AARS1: variants seen among roughly 807,000 people sequenced by gnomAD.
AARS1 encodes alanyl-tRNA synthetase 1.
Under a neutral mutation model 108.9 loss-of-function variants are expected in AARS1, and 72 were observed. That is an observed-to-expected ratio of 0.66 (90% CI 0.55 to 0.80). The LOEUF (loss-of-function observed/expected upper bound fraction) is 0.80. Ranked by LOEUF, AARS1 falls within the 30% of genes least tolerant of loss-of-function variation. AARS1 has a pLI of 0.00. For missense variants in AARS1, 1,193 were observed against 1,233.2 expected, an observed-to-expected ratio of 0.97 and a Z score of 0.49; for synonymous variants, 489 against 465.7, an observed-to-expected ratio of 1.05 and a Z score of -0.64.
Position 70,252,743 on chromosome 16 carries a change from C to A in AARS1, c.2885G>T (p.Arg962Leu), listed in dbSNP as rs1959871908. 1 of 1,614,030 alleles carries A rather than the reference C, an allele frequency of 6.2e-7. No homozygotes were observed. Among genetic ancestry groups the A allele is most frequent in the African/African-American group, 1.3e-5 (1 of 74,922 alleles). Residue 962 changes from arginine (R) to leucine (L), a missense_variant, in exon 21 of 21, where the codon CGC (arginine) becomes CTC (leucine). By Grantham distance (102) the Arg-to-Leu change is moderately radical (BLOSUM62 -2). Coordinates refer to ENST00000261772, the MANE Select transcript of AARS1 (RefSeq NM_001605.3). Reference protein sequence around the residue: ...LQLATSFAQLRLGDVKN With the variant: ...LQLATSFAQLLLGDVKN ...CACTCAGTTCTTTACATCCCCGAGG[C>A]GCAGCTGGGCGAAGGAAGTGGCCAG...
intron 5 of AARS1, among the ~76,000 whole-genome samples, chr16:70,270,766 G>A (rs1196971422): frequency 6.6e-6 from 1 of 150,948 alleles, no homozygotes; most frequent in Non-Finnish European, 1.5e-5. Context: ...GAACCCAGGA[G>A]GCGGAGGTTG....
At chr16:70,277,605 G>A (rs1236298436) in intron 2 of AARS1, among the ~76,000 whole-genome samples, 2 of 152,208 alleles carry the variant, frequency 1.3e-5, no homozygotes, top group Non-Finnish European at 2.9e-5. Flanking sequence ...ACTGATGAAT[G>A]ATTGGATGTA....
intron 9 of AARS1, among the ~76,000 whole-genome samples, 190 bp from the exon 10 acceptor site, chr16:70,265,852 G>A (rs1960250579): frequency 6.6e-6 from 1 of 152,200 alleles, no homozygotes; most frequent in Non-Finnish European, 1.5e-5. Context: ...TGGATGTCCT[G>A]ATACAATTCT....
intron 2 of AARS1, among the ~76,000 whole-genome samples, chr16:70,281,287 G>A (rs980951742): frequency 2.6e-5 from 4 of 152,158 alleles, no homozygotes; most frequent in African/African-American, 7.2e-5. Context: ...ACCACTTTGG[G>A]CAGCTAAGGC....
chr16:70,270,580 T>G (rs530901181), intron 5 of AARS1, among the ~76,000 whole-genome samples: 3 of 152,216 alleles, frequency 2.0e-5, no homozygotes, highest in African/African-American at 7.2e-5. Flanking sequence ...GGCTCATGCC[T>G]GTAATCCCAG....
chr16:70,277,151 T>C lies in AARS1; in HGVS notation c.148A>G (p.Lys50Glu). The change falls in exon 3 of 21, where the codon AAA (lysine) becomes GAA (glutamate). Residue 50 changes from lysine to glutamate, a missense_variant. Transcript: ENST00000261772. ...TCAATTGTGTTCAGGAAAATGGGTT[T>C]AAACTAAAAGAGAAGGACAGCAGTT... The part of the protein sequence containing the change: ...LFANAGMNQF[K>E]PIFLNTIDPS... The C allele has an allele frequency of 6.2e-7, 1 of 1,614,072 alleles. No individual in the cohort carries two copies. The highest frequency in any genetic ancestry group is 8.5e-7 in the Non-Finnish European group (1 of 1,180,000).
At chr16:70,267,618 T>C (rs751501174) in intron 9 of AARS1, 41 bp downstream of exon 9, 1 of 1,613,230 alleles carries the variant, frequency 6.2e-7, no homozygotes, top group African/African-American at 1.3e-5. Context: ...CCCAGAAAGA[T>C]CAAACGGCCA....
intron 8 of AARS1, 99 bp downstream of exon 8, chr16:70,268,172 A>C (rs887785321): frequency 2.6e-6 from 3 of 1,164,046 alleles, no homozygotes; most frequent in Non-Finnish European, 3.8e-6. Flanking sequence ...CGTCTCAAAA[A>C]ACAGCAACAA....
chr16:70,274,747 G>A (rs986965382), intron 4 of AARS1, among the ~76,000 whole-genome samples: 1 of 151,308 alleles, frequency 6.6e-6, no homozygotes, highest in Admixed American at 6.6e-5. Context: ...GGAGTGGAGT[G>A]GGGGTGGGGA....
intron 6 of AARS1, 105 bp from the exon 7 acceptor site, chr16:70,269,868 C>A: frequency 6.9e-7 from 1 of 1,454,294 alleles, no homozygotes; most frequent in Non-Finnish European, 9.6e-7. Flanking sequence ...AGAAAGGATG[C>A]CGGTCTTGCC....
chr16:70,255,683 T>C (rs1452165132), intron 16 of AARS1, 45 bp downstream of exon 16: 18 of 1,565,808 alleles, frequency 1.1e-5, no homozygotes, highest in Non-Finnish European at 1.6e-5. Flanking sequence ...ACTGGGCTCC[T>C]CTTGCCTTCT....
At chr16:70,282,476 A>T (rs1960724534) in intron 2 of AARS1, 144 bp downstream of exon 2, 1 of 980,154 alleles carries the variant, frequency 1.0e-6, no homozygotes, top group South Asian at 1.4e-5. Context: ...TTGCAAAGAA[A>T]CTGAGGCCCA....
rs762162379 is a variant in AARS1, at chr16:70,262,476, ATCT to A, written c.1538_1540del (p.Lys513del). ...GCCTGTGGACACCTCTTCCACGAAC[ATCT>A]TCTCCCTGCGCAGAGCCATCACCGT... On this transcript the variant is annotated inframe_deletion, in exon 12 of 21. Transcript: ENST00000261772. The A allele has an allele frequency of 1.5e-5, 24 of 1,614,034 alleles. No homozygotes were observed. Among genetic ancestry groups the A allele is most frequent in the East Asian group, 2.2e-5 (1 of 44,894 alleles).
At chr16:70,267,617 A>T in intron 9 of AARS1, 42 bp downstream of exon 9, 1 of 1,613,400 alleles carries the variant, frequency 6.2e-7, no homozygotes. Context: ...TCCCAGAAAG[A>T]TCAAACGGCC....
Position 70,267,789 on chromosome 16 carries a change from C to T in AARS1, c.1092G>A (p.Leu364=), listed in dbSNP as rs2152160255. ...VQSLGDAFPE[L]KKDPDMVKDI... ...CCTTCACCATGTCTGGGTCCTTCTT[C>T]AGCTCAGGAAATGCATCTCCCTGAC... The change falls in exon 9 of 21, where the codon CTG becomes CTA. Residue 364 remains leucine (L), a synonymous_variant. Coordinates refer to ENST00000261772, the MANE Select transcript of AARS1 (RefSeq NM_001605.3). The T allele has an allele frequency of 6.2e-7, 1 of 1,614,186 alleles. No homozygotes were observed. Among genetic ancestry groups the T allele is most frequent in the East Asian group, 2.2e-5 (1 of 44,884 alleles).
At chr16:70,269,337 A>G (rs1469025888) in intron 7 of AARS1, among the ~76,000 whole-genome samples, 2 of 27,644 alleles carry the variant, frequency 7.2e-5, no homozygotes, top group Non-Finnish European at 1.8e-4. Context: ...AAAAAAAAAA[A>G]AAAAAAAAAA....
At chr16:70,285,779 G>T (rs1960825491) in intron 1 of AARS1, among the ~76,000 whole-genome samples, 1 of 152,024 alleles carries the variant, frequency 6.6e-6, no homozygotes, top group Admixed American at 6.6e-5. Context: ...ATGGAGTATT[G>T]CCATGCTGCC....
chr16:70,258,290 T>C, intron 14 of AARS1, 73 bp from the exon 15 acceptor site: 3 of 1,514,354 alleles, frequency 2.0e-6, no homozygotes, highest in East Asian at 2.5e-5. Flanking sequence ...CAGGAAAGCA[T>C]GGTCCTGCAG....
At chr16:70,259,468 A>T (rs763369228) in intron 13 of AARS1, among the ~76,000 whole-genome samples, 1 of 152,064 alleles carries the variant, frequency 6.6e-6, no homozygotes, top group Non-Finnish European at 1.5e-5. Context: ...GCCGATGGCT[A>T]AATCTAGCCT....
Sources: allele counts gnomAD v4.1 joint callset (sites outside exome capture counted in the v4.1 genomes callset), GRCh38; gene constraint gnomAD v4.1.1; transcripts MANE v1.5; gene names NCBI Gene and HGNC (gene_info 2026-07-23, HGNC 2026-07-21).